Variants in SLC22A23 observed in about 807,000 individuals in gnomAD.
SLC22A23 encodes solute carrier family 22 member 23, also known as ion transporter protein.
SLC22A23 carries 26 observed loss-of-function variants against 61.0 expected under a neutral mutation model. That is an observed-to-expected ratio of 0.43 (90% confidence interval 0.31 to 0.59). SLC22A23 has a LOEUF of 0.59. Ranked by LOEUF, SLC22A23 falls within the 20% of genes least tolerant of loss-of-function variation. SLC22A23 has a pLI of 0.11. For missense variants in SLC22A23, 796 were observed against 934.7 expected, an observed-to-expected ratio of 0.85 and a Z score of 1.94; for synonymous variants, 430 against 413.9, an observed-to-expected ratio of 1.04 and a Z score of -0.47.
At chr6:3,280,512 T>TC (rs1554132934) in intron 9 of SLC22A23, among the ~76,000 whole-genome samples, 9 of 98,330 alleles carry the variant, frequency 9.2e-5, no homozygotes, top group African/African-American at 2.5e-4. Context: ...TTTTTTTTTT[T>TC]TGAGATGGAG....
In SLC22A23 at chr6:3,378,378, T is replaced by TA. The variant is rs1420121588; in HGVS notation, c.913+31809dup. Among the ~76,000 whole-genome samples, 11 of 152,320 alleles carry TA rather than the reference T, an allele frequency of 7.2e-5. No homozygotes were observed. The South Asian group carries it at 2.1e-3, about 29-fold the overall frequency. On this transcript the variant is annotated intron_variant, in intron 3 of 9. Transcript: ENST00000406686. Reference sequence around the variant, plus strand: ...AGACCTCGGCCCGTGATTCAGCACTTACTCCTGAAAGACTTGAGGGTATTT... The same window carrying TA: ...AGACCTCGGCCCGTGATTCAGCACTTAACTCCTGAAAGACTTGAGGGTATTT...
chr6:3,455,887 G>A lies in SLC22A23; in HGVS notation c.654+19C>T. 1.4e-6 allele frequency: 2 copies of A among 1,480,404 alleles called. No homozygotes were observed. The highest frequency in any genetic ancestry group is 9.0e-7 in the Non-Finnish European group (1 of 1,110,110). The allele number at this position is 1,480,404 out of a possible 1,614,324, so 91.7% of individuals were successfully genotyped here. A position where few individuals can be genotyped will look rare whatever the true frequency, so the allele number is the denominator to read the frequency against. ...CTGCAGGGAGAGGGTTGGAGGGACT[G>A]GGCGGCTGCGGCCCTTACCTTGCTG... is the stretch of plus-strand genomic sequence containing the variant. On this transcript the variant is annotated intron_variant, in intron 1 of 9. Coordinates refer to ENST00000406686, the MANE Select transcript of SLC22A23 (RefSeq NM_015482.2).
chr6:3,378,652 TTTTTC>T (rs1238954309), intron 3 of SLC22A23, among the ~76,000 whole-genome samples: 6 of 75,830 alleles, frequency 7.9e-5, no homozygotes, highest in South Asian at 8.7e-4. Context: ...TTTCTTTTCT[TTTTTC>T]TTTTTTTTTT....
intron 2 of SLC22A23, among the ~76,000 whole-genome samples, chr6:3,413,657 C>G (rs934465644): frequency 2.0e-5 from 3 of 152,238 alleles, no homozygotes; most frequent in African/African-American, 7.2e-5. Context: ...TTAAATGTTA[C>G]TAAATGCTGA....
At chr6:3,383,634 G>A (rs1045035297) in intron 3 of SLC22A23, among the ~76,000 whole-genome samples, 2 of 152,186 alleles carry the variant, frequency 1.3e-5, no homozygotes, top group South Asian at 2.1e-4. Flanking sequence ...AAAAAGTGGC[G>A]CCAACCTTAT....
In SLC22A23 at chr6:3,456,675, G is replaced by T; in HGVS notation, c.-116C>A. 1 of 675,620 alleles carries T rather than the reference G, an allele frequency of 1.5e-6. No individual in the cohort carries two copies. Among genetic ancestry groups the T allele is most frequent in the South Asian group, 6.4e-5 (1 of 15,522 alleles). 41.9% of individuals were successfully genotyped at this position (675,620 alleles called of 1,614,324 possible). ...CAGCCGCTGCCGCCGAGGAGGGCCCGCGGCTCGAGAGAGAGCGCTCGGCGG... is the reference window on the plus strand; with the variant it reads ...CAGCCGCTGCCGCCGAGGAGGGCCCTCGGCTCGAGAGAGAGCGCTCGGCGG... On this transcript the variant is annotated 5_prime_UTR_variant, in exon 1 of 10. Transcript: ENST00000406686. This position sits in a 1 kb window ranked among gnomAD's most constrained non-coding sequence, Gnocchi z 7.1.
chr6:3,420,193 T>C (rs1210894713), intron 1 of SLC22A23, among the ~76,000 whole-genome samples: 1 of 150,748 alleles, frequency 6.6e-6, no homozygotes, highest in Non-Finnish European at 1.5e-5. Flanking sequence ...TGTGTCTACA[T>C]TTCACACACG....
intron 3 of SLC22A23, among the ~76,000 whole-genome samples, chr6:3,405,510 A>G (rs1323239416): frequency 6.6e-6 from 1 of 152,216 alleles, no homozygotes; most frequent in Admixed American, 6.5e-5. Flanking sequence ...TTTGCTCCCC[A>G]GAAGCCCACA....
chr6:3,279,022 G>A (rs1297096040), intron 9 of SLC22A23, among the ~76,000 whole-genome samples: 4 of 152,174 alleles, frequency 2.6e-5, no homozygotes, highest in African/African-American at 9.7e-5. Flanking sequence ...ATTGTGCCTG[G>A]TGAACCACAT....
At chr6:3,315,839 G>C (rs1453694304) in intron 4 of SLC22A23, among the ~76,000 whole-genome samples, 1 of 151,640 alleles carries the variant, frequency 6.6e-6, no homozygotes, top group East Asian at 1.9e-4. Flanking sequence ...ACTCCAGCCT[G>C]GGCGACAGAG....
chr6:3,402,425 T>TTACC (rs1561954594), intron 3 of SLC22A23, among the ~76,000 whole-genome samples: 9 of 151,644 alleles, frequency 5.9e-5, no homozygotes, highest in South Asian at 2.1e-4. Context: ...CCGACCCCAA[T>TTACC]CACCAACACT....
intron 2 of SLC22A23, among the ~76,000 whole-genome samples, chr6:3,413,228 G>C (rs535657473): frequency 6.6e-6 from 1 of 152,332 alleles, no homozygotes; most frequent in South Asian, 2.1e-4. Flanking sequence ...GGGAGTAGGG[G>C]AAGGATGGTC....
Position 3,308,958 on chromosome 6 carries a change from A to C in SLC22A23, c.1083-10740T>G, listed in dbSNP as rs144457784. Among the ~76,000 whole-genome samples, 371 of 151,938 alleles carry C rather than the reference A, an allele frequency of 2.4e-3. 4 individuals carry two copies. Among genetic ancestry groups the C allele is most frequent in the Middle Eastern group, 3.4e-3 (1 of 294 alleles). ...ACTCTGTCTCAAAAAACAAACAAAC[A>C]AACCAACCAAAAAACCCCAACAACC... is the stretch of plus-strand genomic sequence containing the variant. On this transcript the variant is annotated intron_variant, in intron 4 of 9. Transcript: ENST00000406686. This position sits in a 1 kb window ranked among gnomAD's most constrained non-coding sequence, Gnocchi z 5.1.
intron 1 of SLC22A23, among the ~76,000 whole-genome samples, chr6:3,417,247 C>T (rs909984474): frequency 1.3e-5 from 2 of 152,140 alleles, no homozygotes; most frequent in African/African-American, 2.4e-5. Context: ...CACACTGGCT[C>T]GCCGATGCCC....
chr6:3,402,220 C>T (rs762034030), intron 3 of SLC22A23, among the ~76,000 whole-genome samples: 5 of 152,212 alleles, frequency 3.3e-5, no homozygotes, highest in Non-Finnish European at 7.3e-5. Flanking sequence ...CCTCCCAGCT[C>T]CTAGCTTGGC....
intron 4 of SLC22A23, among the ~76,000 whole-genome samples, chr6:3,314,941 CCTT>C (rs1163890025): frequency 1.3e-5 from 2 of 152,168 alleles, no homozygotes; most frequent in African/African-American, 4.8e-5. Context: ...CTAATTTCCT[CCTT>C]ATTTCCCATA....
chr6:3,400,596 A>T (rs1423827640), intron 3 of SLC22A23, among the ~76,000 whole-genome samples: 1 of 152,246 alleles, frequency 6.6e-6, no homozygotes, highest in African/African-American at 2.4e-5. Context: ...TTCCTAGGTG[A>T]GGAAACTGAC....
chr6:3,269,042 T>C lies in SLC22A23; in HGVS notation c.*4013A>G, dbSNP rs1162575072. On this transcript the variant is annotated 3_prime_UTR_variant, in exon 10 of 10. Coordinates refer to ENST00000406686, the MANE Select transcript of SLC22A23 (RefSeq NM_015482.2). Reference sequence around the variant, plus strand: ...AAAAATACATTAGAGAAGAGAGTTTTGGGTTACCAGTCTTTCCTCACAGAA... The same window carrying C: ...AAAAATACATTAGAGAAGAGAGTTTCGGGTTACCAGTCTTTCCTCACAGAA... 1 of 152,370 alleles carries C rather than the reference T, an allele frequency of 6.6e-6. No individual in the cohort carries two copies. Among genetic ancestry groups the C allele is most frequent in the African/African-American group, 2.4e-5 (1 of 41,450 alleles). 9.4% of individuals were successfully genotyped at this position (152,370 alleles called of 1,614,324 possible).
chr6:3,284,122 G>T (rs1759744706), intron 8 of SLC22A23, 147 bp from the exon 9 acceptor site: 1 of 735,788 alleles, frequency 1.4e-6, no homozygotes, highest in African/African-American at 1.8e-5. Context: ...GGACCAAGCA[G>T]CACCTCAAGG....
Sources: gnomAD v4.1 joint callset for allele counts (sites outside exome capture counted in the v4.1 genomes callset) on GRCh38, gnomAD v4.1.1 for gene constraint, Gnocchi (gnomAD v3.1) non-coding constraint, MANE v1.5 for transcripts, NCBI Gene and HGNC (gene_info 2026-07-23, HGNC 2026-07-21) for gene names.